PDZRN3: variants seen among roughly 807,000 people sequenced by gnomAD.
PDZRN3 encodes the protein E3 ubiquitin-protein ligase PDZRN3.
Under a neutral mutation model 85.7 loss-of-function variants are expected in PDZRN3, and 38 were observed. The observed-to-expected ratio is 0.44, with a 90% CI of 0.34 to 0.58. The LOEUF (loss-of-function observed/expected upper bound fraction) is 0.58, where lower values mean the gene tolerates loss of function less well. Ranked by LOEUF, PDZRN3 falls within the 20% of genes least tolerant of loss-of-function variation. The probability of loss-of-function intolerance (pLI) is 0.01; values close to 1 mark genes in which losing one functional copy is unlikely to be tolerated. For missense variants in PDZRN3, 1,629 were observed against 1,506.4 expected (o/e 1.08, Z -1.35); for synonymous variants, 759 against 638.0 (o/e 1.19, Z -2.86).
In PDZRN3 at chr3:73,460,714, A is replaced by G. The variant is rs939797369; in HGVS notation, c.919-56319T>C. 4.6e-5 allele frequency among the ~76,000 whole-genome samples: 7 copies of G among 152,338 alleles called. No homozygotes were observed. The South Asian group carries it at 8.3e-4, about 18-fold the overall frequency. ...GATCAAAGAACAAAGAAACAAATTA[A>G]TAATACTTATTTTCATCTAGTAAAT... On this transcript the variant is annotated intron_variant, in intron 3 of 9. Coordinates refer to ENST00000263666, the MANE Select transcript of PDZRN3 (RefSeq NM_015009.3).
Position 73,537,847 on chromosome 3 carries a change from AC to A in PDZRN3, c.918+64506del, listed in dbSNP as rs1447723234. ...CACTGTGTCGGCCAGGCTGGTCTCGACCTCCTGATCTCAAATGATCCGCCCG... is the reference window on the plus strand; with the variant it reads ...CACTGTGTCGGCCAGGCTGGTCTCGACTCCTGATCTCAAATGATCCGCCCG... On this transcript the variant is annotated intron_variant, in intron 3 of 9. Coordinates refer to ENST00000263666, the MANE Select transcript of PDZRN3 (RefSeq NM_015009.3). 1.5e-4 allele frequency among the ~76,000 whole-genome samples: 23 copies of A among 148,826 alleles called. No homozygotes were observed. In the East Asian group the frequency reaches 3.2e-3, roughly 21 times the overall value.
intron 3 of PDZRN3, among the ~76,000 whole-genome samples, chr3:73,594,243 T>C (rs74605497): frequency 0.011 from 1,655 of 152,304 alleles, 32 homozygotes; most frequent in African/African-American, 0.038. Flanking sequence ...TTGTTTTTAA[T>C]TGGTCATCTT....
At chr3:73,451,149 G>C (rs1358427540) in intron 3 of PDZRN3, among the ~76,000 whole-genome samples, 2 of 152,134 alleles carry the variant, frequency 1.3e-5, no homozygotes, top group Admixed American at 1.3e-4. Flanking sequence ...GTGTTCCTCG[G>C]AGCTGCAAAT....
chr3:73,454,425 T>C (rs1360353496), intron 3 of PDZRN3, among the ~76,000 whole-genome samples: 1 of 152,124 alleles, frequency 6.6e-6, no homozygotes, highest in Non-Finnish European at 1.5e-5. Flanking sequence ...CATCAATGTG[T>C]CTCCAGACCA....
intron 3 of PDZRN3, among the ~76,000 whole-genome samples, chr3:73,545,555 C>T (rs1333808547): frequency 6.6e-6 from 1 of 152,070 alleles, no homozygotes; most frequent in African/African-American, 2.4e-5. Context: ...TACTACACAC[C>T]AGATACAAAG....
At chr3:73,610,371 G>C (rs566867226) in intron 1 of PDZRN3, among the ~76,000 whole-genome samples, 1 of 152,278 alleles carries the variant, frequency 6.6e-6, no homozygotes, top group South Asian at 2.1e-4. Flanking sequence ...CTGACAAACA[G>C]CACCACCATC....
At position 73,385,386 on chromosome 3, in the gene PDZRN3, C is replaced by G. The variant is rs528472745; in HGVS notation, c.1635+283G>C. ...TTACTTTGGAAAACATGGCTTTTTGCAATCTATGGTAATGCCAACGCATAT... is the reference window on the plus strand; with the variant it reads ...TTACTTTGGAAAACATGGCTTTTTGGAATCTATGGTAATGCCAACGCATAT... On this transcript the variant is annotated intron_variant, in intron 9 of 9. Coordinates refer to ENST00000263666, the MANE Select transcript of PDZRN3 (RefSeq NM_015009.3). 1.1e-3 allele frequency among the ~76,000 whole-genome samples: 175 copies of G among 152,342 alleles called. 3 individuals carry two copies. In the South Asian group the frequency reaches 0.018, roughly 16 times the overall value.
chr3:73,506,907 A>C (rs1013493622), intron 3 of PDZRN3, among the ~76,000 whole-genome samples: 1 of 151,062 alleles, frequency 6.6e-6, no homozygotes, highest in African/African-American at 2.4e-5. Context: ...AAAAAAAAAA[A>C]AACAAAAAAA....
intron 2 of PDZRN3, among the ~76,000 whole-genome samples, chr3:73,606,539 T>G: frequency 6.6e-6 from 1 of 152,112 alleles, no homozygotes; most frequent in East Asian, 1.9e-4. Flanking sequence ...CTCAGACAAC[T>G]GGTAAAAGGA....
At chr3:73,424,383 A>AAT (rs1702265893) in intron 3 of PDZRN3, among the ~76,000 whole-genome samples, 1 of 149,124 alleles carries the variant, frequency 6.7e-6, no homozygotes, top group Admixed American at 6.7e-5. Context: ...AAAAAAAAAA[A>AAT]AAAAAAAAAT....
intron 8 of PDZRN3, among the ~76,000 whole-genome samples, chr3:73,386,345 C>T (rs1001026850): frequency 2.7e-5 from 4 of 148,282 alleles, no homozygotes; most frequent in Admixed American, 6.9e-5. Flanking sequence ...ACAGGCAATG[C>T]GCCACTATGC....
At chr3:73,503,230 T>C (rs774176483) in intron 3 of PDZRN3, among the ~76,000 whole-genome samples, 14 of 152,230 alleles carry the variant, frequency 9.2e-5, no homozygotes, top group Admixed American at 2.0e-4. Flanking sequence ...AACCTATACT[T>C]GTTTTAATGG....
intron 1 of PDZRN3, among the ~76,000 whole-genome samples, chr3:73,612,547 G>A (rs890750583): frequency 2.6e-5 from 4 of 152,184 alleles, no homozygotes; most frequent in African/African-American, 9.7e-5. Context: ...GCAGCATAAT[G>A]GTTAAGTTCT....
At chr3:73,574,023 A>G (rs1039556939) in intron 3 of PDZRN3, among the ~76,000 whole-genome samples, 2 of 152,194 alleles carry the variant, frequency 1.3e-5, no homozygotes, top group Non-Finnish European at 2.9e-5. Context: ...CTAGCTTCTT[A>G]GTACATCCTC....
Position 73,518,805 on chromosome 3 carries a change from A to G in PDZRN3, c.918+83549T>C, listed in dbSNP as rs1280026621. Among the ~76,000 whole-genome samples, 21 of 152,100 alleles carry G rather than the reference A, an allele frequency of 1.4e-4. 1 individual carries two copies. The highest frequency in any genetic ancestry group is 1.3e-3 in the Admixed American group (20 of 15,272). ...TCCTTTATAATCACTAATCCCATTCATGAAGGCAGAGGTGTCATGGCCTAA... is the reference window on the plus strand; with the variant it reads ...TCCTTTATAATCACTAATCCCATTCGTGAAGGCAGAGGTGTCATGGCCTAA... On this transcript the variant is annotated intron_variant, in intron 3 of 9. Coordinates refer to ENST00000263666, the MANE Select transcript of PDZRN3 (RefSeq NM_015009.3).
At chr3:73,402,882 G>A (rs17011099) in intron 4 of PDZRN3, among the ~76,000 whole-genome samples, 8,323 of 151,552 alleles carry the variant, frequency 0.055, 319 homozygotes, top group African/African-American at 0.11. Flanking sequence ...ACACAGGGGC[G>A]ACCCTAACAT....
At chr3:73,396,211 T>TCTC (rs1487876964) in intron 5 of PDZRN3, among the ~76,000 whole-genome samples, 2 of 150,428 alleles carry the variant, frequency 1.3e-5, no homozygotes, top group Admixed American at 1.3e-4. Context: ...CAAGACGCAG[T>TCTC]CTCAAAACAA....
intron 3 of PDZRN3, among the ~76,000 whole-genome samples, chr3:73,455,100 GT>G (rs2106851567): frequency 6.6e-6 from 1 of 152,240 alleles, no homozygotes; most frequent in East Asian, 1.9e-4. Flanking sequence ...TTCACAGTAA[GT>G]TTTTATTATC....
intron 5 of PDZRN3, among the ~76,000 whole-genome samples, chr3:73,395,791 A>G (rs1254391001): frequency 6.6e-6 from 1 of 152,214 alleles, no homozygotes; most frequent in Non-Finnish European, 1.5e-5. Flanking sequence ...AAGGCATTTT[A>G]TTCCTTCATT....
Sources: gnomAD v4.1 joint callset for allele counts (sites outside exome capture counted in the v4.1 genomes callset) on GRCh38, gnomAD v4.1.1 for gene constraint, MANE v1.5 for transcripts, NCBI Gene and HGNC (gene_info 2026-07-23, HGNC 2026-07-21) for gene names.